TLL1: variants seen among roughly 807,000 people sequenced by gnomAD.
TLL1 encodes tolloid like 1, also known as tolloid-like protein 1.
In TLL1, 49 loss-of-function variants were observed where a neutral mutation model predicts 128.2. The ratio of observed to expected loss-of-function variants is 0.38; its 90% CI spans 0.30 to 0.48. The LOEUF (loss-of-function observed/expected upper bound fraction) is 0.48, where lower values mean the gene tolerates loss of function less well. Among genes scored for constraint, TLL1 ranks in the 20% least tolerant of loss-of-function variants. TLL1 has a pLI of 0.96. For synonymous variants in TLL1, 454 were observed against 418.8 expected, an observed-to-expected ratio of 1.08 and a Z score of -1.03; for missense variants, 1,123 against 1,242.0, an observed-to-expected ratio of 0.90 and a Z score of 1.44.
At chr4:165,980,381 C>T (rs1313342403) in intron 1 of TLL1, among the ~76,000 whole-genome samples, 1 of 152,078 alleles carries the variant, frequency 6.6e-6, no homozygotes, top group Non-Finnish European at 1.5e-5. Flanking sequence ...TTTGCATCTC[C>T]CCAGGAACAT....
chr4:166,080,618 T>G (rs1469065702), intron 18 of TLL1, among the ~76,000 whole-genome samples: 1 of 152,148 alleles, frequency 6.6e-6, no homozygotes, highest in Non-Finnish European at 1.5e-5. Flanking sequence ...TAAGACATTA[T>G]GTATGCAATA....
intron 1 of TLL1, among the ~76,000 whole-genome samples, chr4:165,891,975 A>G (rs2110833045): frequency 6.6e-6 from 1 of 152,340 alleles, no homozygotes; most frequent in East Asian, 1.9e-4. Flanking sequence ...TTGTAAAGGA[A>G]AGAGGTTTAA....
chr4:165,964,953 G>A (rs1294423946), intron 1 of TLL1, among the ~76,000 whole-genome samples: 3 of 151,384 alleles, frequency 2.0e-5, no homozygotes, highest in South Asian at 4.1e-4. Flanking sequence ...AAATAAATAA[G>A]TAAATAAATA....
At chr4:166,035,132 G>C (rs891192997) in intron 9 of TLL1, among the ~76,000 whole-genome samples, 1 of 152,080 alleles carries the variant, frequency 6.6e-6, no homozygotes, top group Non-Finnish European at 1.5e-5. Flanking sequence ...CATAGCGAGA[G>C]GTGTAAAAAA....
chr4:166,084,660 T>A (rs1471232802), intron 18 of TLL1, among the ~76,000 whole-genome samples: 1 of 152,210 alleles, frequency 6.6e-6, no homozygotes, highest in African/African-American at 2.4e-5. Context: ...TTGTGTGTTC[T>A]TGGCATCTTT....
chr4:165,919,925 G>T (rs1732970716), intron 1 of TLL1: 1 of 445,194 alleles, frequency 2.2e-6, no homozygotes, highest in South Asian at 1.6e-5. Flanking sequence ...CTCATGAGGG[G>T]AGGTCAGAGT....
chr4:166,078,128 G>A (rs192809297), intron 18 of TLL1, 98 bp downstream of exon 18: 31 of 1,562,214 alleles, frequency 2.0e-5, no homozygotes, highest in South Asian at 1.7e-4. Context: ...TAATTGAATC[G>A]AATCGTAGGC....
chr4:166,040,187 G>A (rs116568651), intron 10 of TLL1, among the ~76,000 whole-genome samples: 1 of 152,214 alleles, frequency 6.6e-6, no homozygotes, highest in South Asian at 2.1e-4. Flanking sequence ...AAGTAGTTTT[G>A]CTCAGTTGCA....
chr4:165,926,919 T>A (rs1282402913), intron 1 of TLL1, among the ~76,000 whole-genome samples: 1 of 152,232 alleles, frequency 6.6e-6, no homozygotes, highest in East Asian at 1.9e-4. Context: ...TATACTAGGT[T>A]AATGTTACTC....
intron 5 of TLL1, among the ~76,000 whole-genome samples, chr4:166,000,827 C>G (rs762062485): frequency 9.9e-5 from 15 of 151,800 alleles, no homozygotes; most frequent in Non-Finnish European, 1.5e-4. Flanking sequence ...AAAAAACTAC[C>G]TGGGGCAAAA....
intron 5 of TLL1, among the ~76,000 whole-genome samples, chr4:166,001,363 G>A (rs907462857): frequency 4.3e-4 from 66 of 151,972 alleles, no homozygotes; most frequent in Admixed American, 4.3e-3. Flanking sequence ...TTATTTTAAA[G>A]TGGGCATCCT....
chr4:166,014,752 AGTT>A (rs1335585625), intron 8 of TLL1, among the ~76,000 whole-genome samples, 192 bp downstream of exon 8: 3 of 151,998 alleles, frequency 2.0e-5, no homozygotes, highest in Non-Finnish European at 4.4e-5. Context: ...AATAAAAACA[AGTT>A]GTTGAAATCA....
In TLL1 at chr4:166,065,663, A is replaced by G. The variant is rs1482666283; in HGVS notation, c.2008-20A>G. On this transcript the variant is annotated intron_variant, in intron 15 of 20. Coordinates refer to ENST00000061240, the MANE Select transcript of TLL1 (RefSeq NM_012464.5). Reference sequence around the variant, plus strand: ...CTTGTACTCACAAATCTGGCAACTGATAACCACATTTTTTTCTAGGTTTGC... The same window carrying G: ...CTTGTACTCACAAATCTGGCAACTGGTAACCACATTTTTTTCTAGGTTTGC... 1 of 1,612,414 alleles carries G rather than the reference A, an allele frequency of 6.2e-7. No homozygotes were observed.
In TLL1 at chr4:166,039,331, T is replaced by C. The variant is rs1251007275; in HGVS notation, c.1159-8T>C. The C allele has an allele frequency of 6.2e-7, 1 of 1,605,148 alleles. No individual in the cohort carries two copies. On this transcript the variant is annotated splice_polypyrimidine_tract_variant and splice_region_variant and intron_variant, in intron 9 of 20. Transcript: ENST00000061240. ...TTACTCTGTGGGTTGCTTACCTCCATTTTGCAGATTGTTTTAAATTTTACA... is the reference window on the plus strand; with the variant it reads ...TTACTCTGTGGGTTGCTTACCTCCACTTTGCAGATTGTTTTAAATTTTACA...
chr4:165,990,270 A>C (rs1736577048), intron 2 of TLL1, among the ~76,000 whole-genome samples: 1 of 151,846 alleles, frequency 6.6e-6, no homozygotes, highest in Non-Finnish European at 1.5e-5. Context: ...TCTTTCTCTA[A>C]TTATATTAAT....
At chr4:165,899,571 A>T (rs1008787902) in intron 1 of TLL1, among the ~76,000 whole-genome samples, 2 of 152,150 alleles carry the variant, frequency 1.3e-5, no homozygotes, top group African/African-American at 4.8e-5. Flanking sequence ...ATTTGACTGC[A>T]CTGTGGTCTG....
intron 1 of TLL1, among the ~76,000 whole-genome samples, chr4:165,986,236 G>A (rs1393183038): frequency 6.6e-6 from 1 of 151,984 alleles, no homozygotes; most frequent in African/African-American, 2.4e-5. Flanking sequence ...AGATTATAAT[G>A]CATCCTAATA....
intron 19 of TLL1, among the ~76,000 whole-genome samples, chr4:166,093,329 G>A (rs1184611689): frequency 6.6e-6 from 1 of 152,104 alleles, no homozygotes; most frequent in Non-Finnish European, 1.5e-5. Flanking sequence ...GAAAACTTGT[G>A]AGCAAAGGAA....
rs181723117 is a variant in TLL1, at chr4:165,888,187, G to C, written c.169+14114G>C. On this transcript the variant is annotated intron_variant, in intron 1 of 20. Transcript: ENST00000061240. ...GTGTTGCACAGAAGTGCTGACTGAG[G>C]GCTAGCTTGCTCTGTTCTTAATTTT... Among the ~76,000 whole-genome samples the C allele has an allele frequency of 1.7e-3, 261 of 152,092 alleles. 1 individual carries two copies. Among genetic ancestry groups the C allele is most frequent in the African/African-American group, 5.9e-3 (244 of 41,500 alleles).
Sources: allele counts gnomAD v4.1 joint callset (sites outside exome capture counted in the v4.1 genomes callset), GRCh38; gene constraint gnomAD v4.1.1; transcripts MANE v1.5; gene names NCBI Gene and HGNC (gene_info 2026-07-23, HGNC 2026-07-21).